Variants in OR3A2 observed in about 807,000 individuals in gnomAD.
OR3A2 encodes olfactory receptor 3A2.
For missense variants in OR3A2, 318 were observed against 392.8 expected, an observed-to-expected ratio of 0.81 and a Z score of 1.61; for synonymous variants, 126 against 159.3, an observed-to-expected ratio of 0.79 and a Z score of 1.57.
At position 3,323,370 on chromosome 17, in the gene OR3A2, A is replaced by G. The variant is rs4541109; in HGVS notation, c.-85+12663T>C. On this transcript the variant is annotated intron_variant, in intron 3 of 4. Transcript: ENST00000573491. ...TAGTCTATTTATATTCAAAGTTAAT[A>G]TCGTTACGTGTGAATTTGATCTTGT... 4.6e-5 allele frequency among the ~76,000 whole-genome samples: 7 copies of G among 152,094 alleles called. No homozygotes were observed. In the East Asian group the frequency reaches 1.3e-3, roughly 29 times the overall value.
intron 1 of OR3A2, among the ~76,000 whole-genome samples, chr17:3,384,094 A>G (rs911575532): frequency 1.3e-5 from 2 of 152,122 alleles, no homozygotes; most frequent in African/African-American, 2.4e-5. Context: ...TCCTGCAAGG[A>G]GCTTCCCTGC....
exon 2 of OR3A2, chr17:3,277,842 T>G: frequency 1.0e-6 from 1 of 983,870 alleles, no homozygotes; most frequent in Non-Finnish European, 1.5e-6. Flanking sequence ...AGGACAAATA[T>G]GTAACACCGA....
At chr17:3,370,001 G>A (rs987180657) in intron 2 of OR3A2, among the ~76,000 whole-genome samples, 21 of 151,842 alleles carry the variant, frequency 1.4e-4, no homozygotes, top group African/African-American at 2.2e-4. Flanking sequence ...GATGGGTTTC[G>A]TCATGTTGCC....
upstream of OR3A2, among the ~76,000 whole-genome samples, chr17:3,286,078 C>G (rs998877196): frequency 6.6e-6 from 1 of 152,120 alleles, no homozygotes; most frequent in Non-Finnish European, 1.5e-5. Flanking sequence ...CCCCCACCCC[C>G]CAAGAGGCCC....
chr17:3,349,841 C>T lies in OR3A2; in HGVS notation c.-178-13715G>A, dbSNP rs546397724. Among the ~76,000 whole-genome samples, 58 of 152,154 alleles carry T rather than the reference C, an allele frequency of 3.8e-4. No homozygotes were observed. In the East Asian group the frequency reaches 0.011, roughly 28 times the overall value. Reference sequence around the variant, plus strand: ...AATTATAACAAACTATCTCTCAGACCACAGTGCAATCAAACTAGAACTCAT... The same window carrying T: ...AATTATAACAAACTATCTCTCAGACTACAGTGCAATCAAACTAGAACTCAT... On this transcript the variant is annotated intron_variant, in intron 2 of 4. Coordinates refer to the OR3A2 transcript ENST00000573491.
At position 3,333,663 on chromosome 17, in the gene OR3A2, G is replaced by A. The variant is rs138137721; in HGVS notation, c.-85+2370C>T. On this transcript the variant is annotated intron_variant, in intron 3 of 4. Transcript: ENST00000573491. ...CACTTAGGGAAAATAGAAAGAACCT[G>A]CATTGAAATATTGGGGGCATGTTCC... Among the ~76,000 whole-genome samples, 199 of 152,176 alleles carry A rather than the reference G, an allele frequency of 1.3e-3. 1 individual carries two copies. Among genetic ancestry groups the A allele is most frequent in the African/African-American group, 4.7e-3 (195 of 41,520 alleles).
intron 2 of OR3A2, among the ~76,000 whole-genome samples, chr17:3,340,417 T>C (rs538889642): frequency 6.6e-6 from 1 of 152,186 alleles, no homozygotes; most frequent in African/African-American, 2.4e-5. Context: ...TGCTATAAAT[T>C]TCCCTTTACA....
upstream of OR3A2, among the ~76,000 whole-genome samples, chr17:3,289,374 G>A (rs945422504): frequency 2.6e-5 from 4 of 152,226 alleles, no homozygotes; most frequent in African/African-American, 9.6e-5. Context: ...CCTGGAGGGT[G>A]AACAGGGACC....
rs1216063189 is a variant in OR3A2, at chr17:3,351,696, T to G, written c.-178-15570A>C. ...GGAAAAAACTACTTTAAAGTTCATA[T>G]GGAACCAAAAAAGAGCCCGCATCAC... On this transcript the variant is annotated intron_variant, in intron 2 of 4. Coordinates refer to the OR3A2 transcript ENST00000573491. 5.3e-5 allele frequency among the ~76,000 whole-genome samples: 8 copies of G among 149,660 alleles called. No individual in the cohort carries two copies. The South Asian group carries it at 1.7e-3, about 32-fold the overall frequency.
rs536439282 is a variant in OR3A2, at chr17:3,361,033, A to T, written c.-179+22771T>A. Among the ~76,000 whole-genome samples, 6 of 151,564 alleles carry T rather than the reference A, an allele frequency of 4.0e-5. No homozygotes were observed. In the East Asian group the frequency reaches 7.7e-4, roughly 19 times the overall value. Reference sequence around the variant, plus strand: ...CAGTATGGCCATTTTCACGATATTGATTCTTCCTACCCATGAGCATGGAAT... The same window carrying T: ...CAGTATGGCCATTTTCACGATATTGTTTCTTCCTACCCATGAGCATGGAAT... On this transcript the variant is annotated intron_variant, in intron 2 of 4. Transcript: ENST00000573491.
chr17:3,356,808 T>A (rs1421629089), intron 2 of OR3A2, among the ~76,000 whole-genome samples: 3 of 151,684 alleles, frequency 2.0e-5, no homozygotes, highest in African/African-American at 7.3e-5. Flanking sequence ...TAACTATATA[T>A]AAGCATTCTC....
At chr17:3,296,355 C>T (rs2048918067) in intron 3 of OR3A2, among the ~76,000 whole-genome samples, 1 of 151,980 alleles carries the variant, frequency 6.6e-6, no homozygotes, top group Admixed American at 6.6e-5. Flanking sequence ...GAAAAGAATT[C>T]GTAGCCTTAA....
At chr17:3,353,725 G>T (rs994131955) in intron 2 of OR3A2, among the ~76,000 whole-genome samples, 1 of 151,766 alleles carries the variant, frequency 6.6e-6, no homozygotes, top group Non-Finnish European at 1.5e-5. Context: ...TAGGGTACAT[G>T]AGTTGTTTTG....
At chr17:3,286,176 T>C (rs2048809030), upstream of OR3A2, among the ~76,000 whole-genome samples, 2 of 152,214 alleles carry the variant, frequency 1.3e-5, no homozygotes, top group Admixed American at 1.3e-4. Context: ...TTTGGTTTTC[T>C]GTTCTTGTGT....
chr17:3,355,672 T>C (rs1264470546), intron 2 of OR3A2, among the ~76,000 whole-genome samples: 2 of 151,422 alleles, frequency 1.3e-5, no homozygotes, highest in African/African-American at 4.9e-5. Flanking sequence ...GCATGGAATC[T>C]TTTTCCATCT....
upstream of OR3A2, among the ~76,000 whole-genome samples, chr17:3,284,940 A>G (rs896196825): frequency 4.6e-5 from 7 of 152,220 alleles, no homozygotes; most frequent in African/African-American, 1.7e-4. Flanking sequence ...ATAAGAGGGA[A>G]AAGCTTTCTT....
intron 3 of OR3A2, chr17:3,310,950 T>C (rs1190195274): frequency 1.7e-6 from 1 of 575,960 alleles, no homozygotes; most frequent in East Asian, 5.0e-5. Context: ...TGTGGCCCCC[T>C]TGGTCCTCAT....
intron 2 of OR3A2, among the ~76,000 whole-genome samples, chr17:3,347,007 C>G (rs539861997): frequency 2.6e-5 from 4 of 152,162 alleles, no homozygotes; most frequent in Non-Finnish European, 5.9e-5. Context: ...CATGGGAGAG[C>G]AGATCTCTCT....
intron 3 of OR3A2, among the ~76,000 whole-genome samples, chr17:3,297,120 T>C (rs565997561): frequency 5.9e-5 from 9 of 152,182 alleles, no homozygotes; most frequent in Non-Finnish European, 1.2e-4. Context: ...GCCTCAAAGC[T>C]AGAATCCCAA....
Sources: allele counts gnomAD v4.1 joint callset (sites outside exome capture counted in the v4.1 genomes callset), GRCh38; gene constraint gnomAD v4.1.1; transcripts MANE v1.5; gene names NCBI Gene and HGNC (gene_info 2026-07-23, HGNC 2026-07-21).